Variants in FOXN3 observed in about 807,000 individuals in gnomAD.
FOXN3 encodes forkhead box N3, also known as forkhead box protein N3.
Under a neutral mutation model 38.4 loss-of-function variants are expected in FOXN3, and 7 were observed. The ratio of observed to expected loss-of-function variants is 0.18; its 90% CI spans 0.10 to 0.34. The LOEUF is 0.34. Ranked by LOEUF, FOXN3 falls within the 10% of genes least tolerant of loss-of-function variation. The pLI is 1.00. For missense variants in FOXN3, 456 were observed against 613.4 expected (o/e 0.74, Z 2.71); for synonymous variants, 230 against 242.2 (o/e 0.95, Z 0.47).
At chr14:89,516,251 A>C (rs898218054) in intron 1 of FOXN3, among the ~76,000 whole-genome samples, 5 of 152,186 alleles carry the variant, frequency 3.3e-5, no homozygotes, top group Non-Finnish European at 4.4e-5. Context: ...GCTTTAGAAA[A>C]AAATGGGATC....
chr14:89,597,897 CTATT>C (rs1896090860), intron 1 of FOXN3, among the ~76,000 whole-genome samples: 1 of 152,004 alleles, frequency 6.6e-6, no homozygotes, highest in African/African-American at 2.4e-5. Flanking sequence ...ACTATTTAGT[CTATT>C]TATATTTAAT....
chr14:89,437,602 A>G (rs1807930), intron 1 of FOXN3, among the ~76,000 whole-genome samples: 46,597 of 152,046 alleles, frequency 0.31, 7,503 homozygotes, highest in East Asian at 0.57. Flanking sequence ...GTGCCATGAG[A>G]GTTTACAAAT....
Position 89,412,177 on chromosome 14 carries a change from G to C in FOXN3, c.300C>G (p.His100Gln), listed in dbSNP as rs752534266. The change falls in exon 2 of 6, where the codon CAC becomes CAG. Residue 100 changes from histidine to glutamine, a missense_variant. Physicochemically the swap from His to Gln is conservative, Grantham distance 24. Around this residue, in one of 3 missense-constraint regions of FOXN3, gnomAD observed 386 missense variants for 505.2 expected, o/e 0.76. Coordinates refer to ENST00000557258, the MANE Select transcript of FOXN3 (RefSeq NM_005197.4). The surrounding 1 kb of genome is among the most constrained non-coding windows in gnomAD (Gnocchi z 4.7). ...GCCTGGCATCGTAGGGCATGTCAGA[G>C]TGGGCAGGGGATGGGGGGGTGTCAT... is the stretch of plus-strand genomic sequence containing the variant. ...LDDDTPPSPA[H>Q]SDMPYDARQN... 1 of 1,612,746 alleles carries C rather than the reference G, an allele frequency of 6.2e-7. No homozygotes were observed. The highest frequency in any genetic ancestry group is 8.5e-7 in the Non-Finnish European group (1 of 1,179,106).
At chr14:89,297,704 G>A (rs1436767478) in intron 3 of FOXN3, among the ~76,000 whole-genome samples, 1 of 152,190 alleles carries the variant, frequency 6.6e-6, no homozygotes, top group African/African-American at 2.4e-5. Flanking sequence ...ACATCTGGGT[G>A]CGATGGCTCA....
chr14:89,465,396 A>G (rs982843575), intron 1 of FOXN3, among the ~76,000 whole-genome samples: 1 of 152,032 alleles, frequency 6.6e-6, no homozygotes, highest in Non-Finnish European at 1.5e-5. Context: ...CTCCCAGCTA[A>G]TTTTTGTATT....
intron 1 of FOXN3, among the ~76,000 whole-genome samples, chr14:89,491,833 T>C (rs1193902929): frequency 2.0e-5 from 3 of 152,256 alleles, no homozygotes; most frequent in South Asian, 4.1e-4. Flanking sequence ...CCTGGCCCTT[T>C]GAATGGAAGC....
At chr14:89,546,974 G>A (rs978873888) in intron 1 of FOXN3, among the ~76,000 whole-genome samples, 2 of 151,532 alleles carry the variant, frequency 1.3e-5, no homozygotes, top group Non-Finnish European at 2.9e-5. Context: ...TAGTAGAGAC[G>A]GGGTTTCACC....
intron 4 of FOXN3, among the ~76,000 whole-genome samples, chr14:89,182,165 T>C (rs1158787070): frequency 2.0e-5 from 3 of 152,250 alleles, no homozygotes; most frequent in East Asian, 3.8e-4. Flanking sequence ...GTAGAATAAA[T>C]GCTTTTCATA....
chr14:89,264,331 G>C (rs1885901085), intron 4 of FOXN3, among the ~76,000 whole-genome samples: 1 of 152,144 alleles, frequency 6.6e-6, no homozygotes, highest in African/African-American at 2.4e-5. Context: ...GCAGACGAGA[G>C]AGAAATCAAG....
chr14:89,555,882 G>GGGGGGGGGGGGGGT (rs1895112250), intron 1 of FOXN3, among the ~76,000 whole-genome samples: 1 of 104,600 alleles, frequency 9.6e-6, no homozygotes, highest in Non-Finnish European at 2.0e-5. Context: ...TGTGTATGTG[G>GGGGGGGGGGGGGGT]GGGTGTATGT....
intron 3 of FOXN3, among the ~76,000 whole-genome samples, chr14:89,330,705 C>A (rs1888223556): frequency 6.6e-6 from 1 of 152,164 alleles, no homozygotes; most frequent in African/African-American, 2.4e-5. Flanking sequence ...CCAAATGCTG[C>A]AATTGGAAAA....
At chr14:89,302,313 G>C (rs1255611944) in intron 3 of FOXN3, among the ~76,000 whole-genome samples, 5 of 152,172 alleles carry the variant, frequency 3.3e-5, no homozygotes, top group Non-Finnish European at 5.9e-5. Flanking sequence ...CCATAGTTAT[G>C]TAACTATGAG....
chr14:89,287,110 A>G (rs1236322229), intron 3 of FOXN3, among the ~76,000 whole-genome samples: 1 of 152,126 alleles, frequency 6.6e-6, no homozygotes. Flanking sequence ...TGGGGGAAAA[A>G]AATTGCTTTC....
Position 89,180,800 on chromosome 14 carries a change from G to A in FOXN3, c.752C>T (p.Pro251Leu), listed in dbSNP as rs1171144243. The A allele has an allele frequency of 1.9e-6, 3 of 1,607,164 alleles. No individual in the cohort carries two copies. In the South Asian group the frequency reaches 3.3e-5, roughly 18 times the overall value. ...KRNGALLQVP[P>L]GVIQNGARVL... ...CCGCGCTCCATTTTGGATCACTCCT[G>A]GAGGAACTGAAAAAGCAAAGGGGAG... The change falls in exon 5 of 6, where the codon CCA becomes CTA. Residue 251 changes from proline to leucine, a missense_variant. Physicochemically the swap from Pro to Leu is moderately conservative, Grantham distance 98. Around this residue, in one of 3 missense-constraint regions of FOXN3, gnomAD observed 386 missense variants for 505.2 expected, o/e 0.76. Coordinates refer to ENST00000557258, the MANE Select transcript of FOXN3 (RefSeq NM_005197.4).
chr14:89,351,474 T>G (rs1390247581), intron 2 of FOXN3, among the ~76,000 whole-genome samples: 1 of 152,220 alleles, frequency 6.6e-6, no homozygotes, highest in Non-Finnish European at 1.5e-5. Context: ...GAGTTGAATC[T>G]TTAGAAGTCA....
chr14:89,426,518 C>G (rs1313578504), intron 1 of FOXN3, among the ~76,000 whole-genome samples: 1 of 151,948 alleles, frequency 6.6e-6, no homozygotes, highest in Non-Finnish European at 1.5e-5. Flanking sequence ...CCACCATGCC[C>G]GGGCAGGAGT....
intron 4 of FOXN3, among the ~76,000 whole-genome samples, chr14:89,196,881 C>CTG (rs1888112330): frequency 6.6e-6 from 1 of 152,198 alleles, no homozygotes; most frequent in Admixed American, 6.5e-5. Context: ...CAGGAAGCCC[C>CTG]TGGTTCAATC....
At chr14:89,388,187 G>A (rs1890844710) in intron 2 of FOXN3, among the ~76,000 whole-genome samples, 1 of 152,170 alleles carries the variant, frequency 6.6e-6, no homozygotes, top group African/African-American at 2.4e-5. Context: ...CCGTCTTGGA[G>A]GGAAGATAGC....
chr14:89,189,915 C>A (rs928395486), intron 4 of FOXN3, among the ~76,000 whole-genome samples: 2 of 152,212 alleles, frequency 1.3e-5, no homozygotes, highest in Non-Finnish European at 2.9e-5. Flanking sequence ...CAGGCTCCAA[C>A]AGGCCTATTT....
Sources: gnomAD v4.1 joint callset for allele counts (sites outside exome capture counted in the v4.1 genomes callset) on GRCh38, gnomAD v4.1.1 for gene constraint, gnomAD v4.1.1 regional missense constraint, Gnocchi (gnomAD v3.1) non-coding constraint, MANE v1.5 for transcripts, NCBI Gene and HGNC (gene_info 2026-07-23, HGNC 2026-07-21) for gene names.